Variants in TNFSF4 observed in about 807,000 individuals in gnomAD.
The protein encoded by TNFSF4 is TNF superfamily member 4.
Under a neutral mutation model 7.3 loss-of-function variants are expected in TNFSF4, and 4 were observed. That is an observed-to-expected ratio of 0.55 (90% CI 0.27 to 1.25). The LOEUF is 1.25. Among genes scored for constraint, TNFSF4 ranks in the 50% most tolerant of loss-of-function variants. The pLI is 0.12. For synonymous variants in TNFSF4, 76 were observed against 83.7 expected, an observed-to-expected ratio of 0.91 and a Z score of 0.50; for missense variants, 181 against 208.8, an observed-to-expected ratio of 0.87 and a Z score of 0.82.
chr1:173,349,620 A>G, the TNFSF4 span, among the ~76,000 whole-genome samples: 3 of 152,132 alleles, frequency 2.0e-5, no homozygotes, highest in Non-Finnish European at 4.4e-5. Context: ...GTTAAACTCA[A>G]AAGACTCTAT....
the TNFSF4 span, among the ~76,000 whole-genome samples, chr1:173,250,616 C>T: frequency 2.6e-5 from 4 of 152,080 alleles, no homozygotes; most frequent in Non-Finnish European, 5.9e-5. Flanking sequence ...ACTGCCACCA[C>T]GCCCGGCTAA....
chr1:173,326,481 A>G, the TNFSF4 span, among the ~76,000 whole-genome samples: 1 of 151,758 alleles, frequency 6.6e-6, no homozygotes, highest in Non-Finnish European at 1.5e-5. Flanking sequence ...CTCTCTCACC[A>G]CTCCTATTCA....
At chr1:173,181,825 G>A (rs10127727), downstream of TNFSF4, among the ~76,000 whole-genome samples, 48,960 of 152,014 alleles carry the variant, frequency 0.32, 10,041 homozygotes, top group African/African-American at 0.58. Context: ...ACATCTTTCC[G>A]TGCTTTGATC....
At chr1:173,329,230 G>T in the TNFSF4 span, among the ~76,000 whole-genome samples, 1 of 152,076 alleles carries the variant, frequency 6.6e-6, no homozygotes, top group Admixed American at 6.6e-5. Context: ...ACATGCTCAA[G>T]TCCTTTATAT....
At chr1:173,366,686 T>C in the TNFSF4 span, among the ~76,000 whole-genome samples, 1 of 152,214 alleles carries the variant, frequency 6.6e-6, no homozygotes, top group Non-Finnish European at 1.5e-5. Context: ...ATATCCTATT[T>C]ACCCTGATGT....
the TNFSF4 span, among the ~76,000 whole-genome samples, chr1:173,412,419 A>T: frequency 6.6e-6 from 1 of 152,226 alleles, no homozygotes; most frequent in Admixed American, 6.5e-5. Flanking sequence ...GTGTGCAAAG[A>T]TTTTCTAAAC....
the TNFSF4 span, among the ~76,000 whole-genome samples, chr1:173,241,385 T>A: frequency 6.6e-6 from 1 of 152,344 alleles, no homozygotes; most frequent in South Asian, 2.1e-4. Flanking sequence ...TCCTTTTGCA[T>A]GAAGAAGACG....
the TNFSF4 span, among the ~76,000 whole-genome samples, chr1:173,448,675 C>T: frequency 6.6e-6 from 1 of 152,164 alleles, no homozygotes; most frequent in East Asian, 1.9e-4. Flanking sequence ...AAAGGACTTT[C>T]ACAAGGTAAT....
chr1:173,251,213 A>T, the TNFSF4 span, among the ~76,000 whole-genome samples: 1 of 152,234 alleles, frequency 6.6e-6, no homozygotes, highest in African/African-American at 2.4e-5. Context: ...GCATTTGGTC[A>T]AAATAAAAAC....
the TNFSF4 span, among the ~76,000 whole-genome samples, chr1:173,378,084 G>A: frequency 3.5e-4 from 53 of 152,266 alleles, no homozygotes; most frequent in African/African-American, 1.1e-3. Context: ...GCAGGTTTTC[G>A]AGAATGCATC....
At chr1:173,261,850 CA>C in the TNFSF4 span, among the ~76,000 whole-genome samples, 6 of 142,430 alleles carry the variant, frequency 4.2e-5, no homozygotes, top group African/African-American at 1.0e-4. Context: ...ACCTACCAAC[CA>C]AAAAAAAAGC....
the TNFSF4 span, among the ~76,000 whole-genome samples, chr1:173,322,027 C>G: frequency 6.6e-6 from 1 of 152,170 alleles, no homozygotes; most frequent in African/African-American, 2.4e-5. Context: ...ATGTTTATTG[C>G]AGCACTATTT....
chr1:173,403,646 G>A, the TNFSF4 span, among the ~76,000 whole-genome samples: 1 of 152,242 alleles, frequency 6.6e-6, no homozygotes, highest in African/African-American at 2.4e-5. Context: ...GCTCACGCCT[G>A]TAATCCCAGC....
At chr1:173,205,552 G>A (rs1650150207) in intron 1 of TNFSF4, 2 of 1,303,368 alleles carry the variant, frequency 1.5e-6, no homozygotes, top group East Asian at 2.9e-5. Context: ...CATGTGTCCT[G>A]TGTTTTATCA....
chr1:173,304,232 C>A, the TNFSF4 span, among the ~76,000 whole-genome samples: 2 of 151,818 alleles, frequency 1.3e-5, no homozygotes, highest in Non-Finnish European at 2.9e-5. Flanking sequence ...AAAAATAAAA[C>A]CTTTATTGCA....
chr1:173,342,765 C>T, the TNFSF4 span, among the ~76,000 whole-genome samples: 1 of 152,022 alleles, frequency 6.6e-6, no homozygotes, highest in African/African-American at 2.4e-5. Flanking sequence ...TGATGATAAA[C>T]GGGAACCAGG....
At chr1:173,205,763 C>T (rs772569675) in intron 1 of TNFSF4, 3 of 183,010 alleles carry the variant, frequency 1.6e-5, no homozygotes, top group Non-Finnish European at 3.2e-5. Context: ...ACTCTTCCCC[C>T]ACACCCTCTC....
chr1:173,431,423 A>G, the TNFSF4 span, among the ~76,000 whole-genome samples: 1 of 152,190 alleles, frequency 6.6e-6, no homozygotes, highest in Non-Finnish European at 1.5e-5. Context: ...CAGAATTAAG[A>G]GCCATGCGCT....
the TNFSF4 span, among the ~76,000 whole-genome samples, chr1:173,399,867 G>C: frequency 6.6e-6 from 1 of 152,208 alleles, no homozygotes; most frequent in Non-Finnish European, 1.5e-5. Context: ...CTACCACTGA[G>C]TGTCCAATAT....
Sources: gnomAD v4.1 joint callset for allele counts (sites outside exome capture counted in the v4.1 genomes callset) on GRCh38, gnomAD v4.1.1 for gene constraint, MANE v1.5 for transcripts, NCBI Gene and HGNC (gene_info 2026-07-23, HGNC 2026-07-21) for gene names.